Variants in DOP1B observed in about 807,000 individuals in gnomAD.
DOP1B encodes the protein DOP1 leucine zipper like protein B, also known as protein DOP1B.
DOP1B carries 174 observed loss-of-function variants against 233.5 expected under a neutral mutation model. The observed-to-expected ratio is 0.75, with a 90% CI of 0.66 to 0.85. DOP1B has a LOEUF of 0.85. DOP1B is among the 40% of genes least tolerant of loss of function. The probability of loss-of-function intolerance (pLI) is 0.00; values close to 1 mark genes in which losing one functional copy is unlikely to be tolerated. For missense variants in DOP1B, 2,652 were observed against 2,846.6 expected, an observed-to-expected ratio of 0.93 and a Z score of 1.56; for synonymous variants, 1,190 against 1,185.6, an observed-to-expected ratio of 1.00 and a Z score of -0.08.
rs146953163 is a variant in DOP1B, at chr21:36,227,580, G to A, written c.1474-106G>A. Reference sequence around the variant, plus strand: ...AAAGAAAGAAAGAAAGAAAATTAGTGTGAAATTTATGCCCTAAAAAATTGA... The same window carrying A: ...AAAGAAAGAAAGAAAGAAAATTAGTATGAAATTTATGCCCTAAAAAATTGA... On this transcript the variant is annotated intron_variant, in intron 12 of 36. Coordinates refer to ENST00000691173, the MANE Select transcript of DOP1B (RefSeq NM_001320714.2). 2.2e-4 allele frequency: 217 copies of A among 974,534 alleles called. 1 individual carries two copies. The African/African-American group carries it at 2.8e-3, about 13-fold the overall frequency. The allele number at this position is 974,534 out of a possible 1,614,324, so 60.4% of individuals were successfully genotyped here.
intron 2 of DOP1B, among the ~76,000 whole-genome samples, chr21:36,167,666 C>G (rs549854986): frequency 1.9e-4 from 29 of 152,090 alleles, no homozygotes; most frequent in Non-Finnish European, 2.8e-4. Context: ...TTTCATCACT[C>G]CAAAAGGAAA....
chr21:36,164,780 G>A lies in DOP1B; in HGVS notation c.47G>A (p.Ser16Asn). 6.2e-7 allele frequency: 1 copy of A among 1,612,032 alleles called. No homozygotes were observed. Among genetic ancestry groups the A allele is most frequent in the African/African-American group, 1.3e-5 (1 of 74,892 alleles). The change falls in exon 2 of 37, where the codon AGC becomes AAC. Residue 16 changes from serine to asparagine, a missense_variant. Ser to Asn is a conservative substitution (Grantham distance 46, BLOSUM62 1). Coordinates refer to ENST00000691173, the MANE Select transcript of DOP1B (RefSeq NM_001320714.2). Reference protein sequence around the residue: ...QELLNDYRYRSYSSVIEKALR... With the variant: ...QELLNDYRYRNYSSVIEKALR... The stretch of plus-strand genomic sequence containing the variant: ...CTCTTAAATGATTACAGATACAGAA[G>A]CTACTCTTCAGTGATTGAAAAGGCT...
intron 11 of DOP1B, among the ~76,000 whole-genome samples, chr21:36,225,215 G>T (rs138667844): frequency 2.9e-4 from 44 of 152,038 alleles, no homozygotes; most frequent in African/African-American, 1.1e-3. Context: ...TGGACTTACC[G>T]CAGGAAGAAG....
Position 36,225,521 on chromosome 21 carries a change from A to G in DOP1B, c.1371-44A>G, listed in dbSNP as rs368081231. ...GTTAAGATTATAGGTGTGAGCCTCC[A>G]TGCCTGGCCAAAGAATGGATTTTTT... On this transcript the variant is annotated intron_variant, in intron 11 of 36. Transcript: ENST00000691173. 145 of 1,609,682 alleles carry G rather than the reference A, an allele frequency of 9.0e-5. No individual in the cohort carries two copies. The African/African-American group carries it at 1.5e-3, about 16-fold the overall frequency.
intron 27 of DOP1B, among the ~76,000 whole-genome samples, chr21:36,275,088 G>T (rs1351201400): frequency 6.6e-6 from 1 of 151,984 alleles, no homozygotes; most frequent in African/African-American, 2.4e-5. Flanking sequence ...CAAGCGATCT[G>T]CCCGCCTTGG....
chr21:36,274,879 C>G (rs1330282016), intron 27 of DOP1B, among the ~76,000 whole-genome samples: 1 of 152,110 alleles, frequency 6.6e-6, no homozygotes, highest in African/African-American at 2.4e-5. Context: ...GAGTCTCGCT[C>G]TGTTGCCCAG....
rs144149682 is a variant in DOP1B, at chr21:36,256,618, G to A, written c.5259+2709G>A. On this transcript the variant is annotated intron_variant, in intron 23 of 36. Coordinates refer to ENST00000691173, the MANE Select transcript of DOP1B (RefSeq NM_001320714.2). The stretch of plus-strand genomic sequence containing the variant: ...ACAAAGTGAGATCTGTGCGTGCAGC[G>A]CGTTAGTACTCAGCCTCGAGAGGAA... Among the ~76,000 whole-genome samples the A allele has an allele frequency of 6.9e-3, 1,054 of 152,264 alleles. 11 individuals are homozygous for A. The highest frequency in any genetic ancestry group is 0.024 in the African/African-American group (1,000 of 41,544).
At chr21:36,206,847 ACTT>A (rs1453459236) in intron 4 of DOP1B, among the ~76,000 whole-genome samples, 3 of 152,310 alleles carry the variant, frequency 2.0e-5, no homozygotes, top group East Asian at 3.9e-4. Flanking sequence ...CGCCCTGCCT[ACTT>A]CTTCTATACA....
intron 7 of DOP1B, 88 bp from the exon 8 acceptor site, chr21:36,213,992 TA>T: frequency 1.8e-6 from 2 of 1,109,636 alleles, no homozygotes; most frequent in Non-Finnish European, 1.3e-6. Flanking sequence ...ATGATATTTT[TA>T]AAAATATTGG....
Position 36,262,591 on chromosome 21 carries a change from A to C in DOP1B, c.5316-955A>C, listed in dbSNP as rs912465946. ...AGGGAAGCAGAATATTAGCACTAGA[A>C]AGGCCTGAGAGATCAGCCGGGCACG... On this transcript the variant is annotated intron_variant, in intron 24 of 36. Coordinates refer to ENST00000691173, the MANE Select transcript of DOP1B (RefSeq NM_001320714.2). 2.0e-5 allele frequency among the ~76,000 whole-genome samples: 3 copies of C among 152,134 alleles called. No individual in the cohort carries two copies. The East Asian group carries it at 5.8e-4, about 29-fold the overall frequency.
At chr21:36,207,915 G>T (rs527426592) in intron 4 of DOP1B, among the ~76,000 whole-genome samples, 122 of 152,314 alleles carry the variant, frequency 8.0e-4, no homozygotes, top group African/African-American at 2.7e-3. Context: ...CAGCTGCAGG[G>T]ACACCACCGA....
At chr21:36,229,588 A>G (rs2066734589) in intron 13 of DOP1B, among the ~76,000 whole-genome samples, 1 of 150,790 alleles carries the variant, frequency 6.6e-6, no homozygotes, top group South Asian at 2.1e-4. Flanking sequence ...AGGTATTGGG[A>G]GTTAGGACTT....
chr21:36,158,091 G>A (rs1008773840), intron 1 of DOP1B, among the ~76,000 whole-genome samples: 2 of 152,036 alleles, frequency 1.3e-5, no homozygotes, highest in Non-Finnish European at 2.9e-5. Flanking sequence ...GAGCCACAGT[G>A]CCCAACCCTG....
chr21:36,269,913 T>C lies in DOP1B; in HGVS notation c.5488-100T>C, dbSNP rs1187071092. ...TTAATGGTACGTATATGCTCACAGC[T>C]GTGGCCTGCATTTTATTTCTACTGG... On this transcript the variant is annotated intron_variant, in intron 26 of 36. Coordinates refer to ENST00000691173, the MANE Select transcript of DOP1B (RefSeq NM_001320714.2). 2.4e-6 allele frequency: 3 copies of C among 1,242,106 alleles called. No homozygotes were observed. The East Asian group carries it at 7.0e-5, about 29-fold the overall frequency. The allele number at this position is 1,242,106 out of a possible 1,614,324, so 76.9% of individuals were successfully genotyped here. A position where few individuals can be genotyped will look rare whatever the true frequency, so the allele number is the denominator to read the frequency against.
rs751600011 is a variant in DOP1B, at chr21:36,199,077, A to T, written c.146A>T (p.Gln49Leu). The T allele has an allele frequency of 1.2e-6, 2 of 1,608,512 alleles. No individual in the cohort carries two copies. Among genetic ancestry groups the T allele is most frequent in the South Asian group, 2.2e-5 (2 of 89,888 alleles). Residue 49 changes from glutamine to leucine, a missense_variant, in exon 3 of 37, where the codon CAG becomes CTG. This residue lies in a region of DOP1B where 2,617 missense variants were observed against 2,794.3 expected (regional missense o/e 0.94). Coordinates refer to ENST00000691173, the MANE Select transcript of DOP1B (RefSeq NM_001320714.2). ...TTTTGTCTTGTTTGACAGGCTCTTC[A>T]GAGTAACCTGAGGTACTCCTTGTTG... is the stretch of plus-strand genomic sequence containing the variant. ...SSLGKLNKAL[Q>L]SNLRYSLLPR...
At position 36,189,871 on chromosome 21, in the gene DOP1B, G is replaced by A. The variant is rs1377351660; in HGVS notation, c.139-9199G>A. 6.6e-5 allele frequency among the ~76,000 whole-genome samples: 10 copies of A among 151,458 alleles called. No homozygotes were observed. In the East Asian group the frequency reaches 1.7e-3, roughly 26 times the overall value. The stretch of plus-strand genomic sequence containing the variant: ...TAAAAAATACAAAAGTTAGCTGGGC[G>A]TGGTGGCATGCACCTGTAGTCCCAG... On this transcript the variant is annotated intron_variant, in intron 2 of 36. Transcript: ENST00000691173.
chr21:36,165,777 G>A (rs1254679446), intron 2 of DOP1B, among the ~76,000 whole-genome samples: 1 of 149,378 alleles, frequency 6.7e-6, no homozygotes, highest in Admixed American at 6.7e-5. Context: ...GTGCAATGGC[G>A]CAACCTTGGC....
chr21:36,202,715 C>T (rs567670924), intron 4 of DOP1B, among the ~76,000 whole-genome samples: 325 of 152,288 alleles, frequency 2.1e-3, no homozygotes, highest in African/African-American at 7.3e-3. Flanking sequence ...AAAGGAGAAT[C>T]CACCTTTACA....
chr21:36,176,105 T>C (rs868380022), intron 2 of DOP1B, among the ~76,000 whole-genome samples: 10 of 151,520 alleles, frequency 6.6e-5, no homozygotes, highest in Non-Finnish European at 8.8e-5. Context: ...TGCGTGTGTG[T>C]GTGTGTGTGT....
Sources: gnomAD v4.1 joint callset for allele counts (sites outside exome capture counted in the v4.1 genomes callset) on GRCh38, gnomAD v4.1.1 for gene constraint, gnomAD v4.1.1 regional missense constraint, MANE v1.5 for transcripts, NCBI Gene and HGNC (gene_info 2026-07-23, HGNC 2026-07-21) for gene names.